The following DLG2 variants were observed in gnomAD, a reference collection of about 807,000 sequenced individuals.
The protein encoded by DLG2 is disks large homolog 2.
In DLG2, 45 loss-of-function variants were observed where a neutral mutation model predicts 132.5. That is an observed-to-expected ratio of 0.34 (90% CI 0.27 to 0.44). The LOEUF (loss-of-function observed/expected upper bound fraction) is 0.44. Among genes scored for constraint, DLG2 ranks in the 20% least tolerant of loss-of-function variants. The pLI is 1.00. For missense variants in DLG2, 1,045 were observed against 1,196.9 expected, an observed-to-expected ratio of 0.87 and a Z score of 1.87; for synonymous variants, 424 against 419.6, an observed-to-expected ratio of 1.01 and a Z score of -0.13.
chr11:83,584,724 G>C (rs903606701), intron 19 of DLG2, among the ~76,000 whole-genome samples: 8 of 152,188 alleles, frequency 5.3e-5, no homozygotes, highest in African/African-American at 1.9e-4. Context: ...AATGTGTTCT[G>C]TCCTGGGCCA....
chr11:84,022,416 G>A (rs1400061372), intron 11 of DLG2, among the ~76,000 whole-genome samples: 1 of 152,154 alleles, frequency 6.6e-6, no homozygotes, highest in Non-Finnish European at 1.5e-5. Context: ...CCTGCAAAAT[G>A]TGCTGGGTGA....
intron 6 of DLG2, among the ~76,000 whole-genome samples, chr11:84,625,651 A>C (rs1197807052): frequency 6.6e-6 from 1 of 152,232 alleles, no homozygotes; most frequent in East Asian, 1.9e-4. Context: ...GTTGGCCTGC[A>C]TTACCCTTAT....
chr11:83,579,638 C>T (rs769495249), intron 19 of DLG2, among the ~76,000 whole-genome samples: 5 of 151,574 alleles, frequency 3.3e-5, no homozygotes, highest in Non-Finnish European at 7.4e-5. Context: ...CAATAAAATG[C>T]TTAAAAAAAT....
chr11:84,716,033 G>T (rs1316201983), intron 6 of DLG2, among the ~76,000 whole-genome samples: 3 of 152,046 alleles, frequency 2.0e-5, no homozygotes, highest in Non-Finnish European at 4.4e-5. Context: ...CACCAACAGT[G>T]TACATAGGTT....
At chr11:85,466,877 T>C (rs1012274492) in intron 3 of DLG2, among the ~76,000 whole-genome samples, 3 of 152,220 alleles carry the variant, frequency 2.0e-5, no homozygotes, top group African/African-American at 7.2e-5. Flanking sequence ...GGGGATGGCA[T>C]TGAATCTATT....
At chr11:85,390,821 G>T (rs904961151) in intron 3 of DLG2, among the ~76,000 whole-genome samples, 2 of 151,918 alleles carry the variant, frequency 1.3e-5, no homozygotes, top group Non-Finnish European at 2.9e-5. Flanking sequence ...AGCATTAAAT[G>T]CCTATATCAA....
chr11:85,548,627 G>A (rs2076475320), intron 3 of DLG2, among the ~76,000 whole-genome samples: 1 of 152,182 alleles, frequency 6.6e-6, no homozygotes, highest in Non-Finnish European at 1.5e-5. Flanking sequence ...CCAGGGAGGT[G>A]GGGGTTTTAT....
intron 3 of DLG2, among the ~76,000 whole-genome samples, chr11:85,455,189 C>T (rs1028472622): frequency 2.0e-5 from 3 of 152,056 alleles, no homozygotes; most frequent in African/African-American, 7.2e-5. Context: ...TATGTCATCT[C>T]TGATTTCTTG....
At chr11:84,955,891 A>G (rs1481319448) in intron 6 of DLG2, among the ~76,000 whole-genome samples, 4 of 152,216 alleles carry the variant, frequency 2.6e-5, no homozygotes, top group Admixed American at 6.5e-5. Flanking sequence ...AATTGGTAAA[A>G]GACATATTAT....
intron 6 of DLG2, among the ~76,000 whole-genome samples, chr11:84,825,242 T>A (rs1332229209): frequency 6.6e-6 from 1 of 151,798 alleles, no homozygotes; most frequent in African/African-American, 2.4e-5. Context: ...CATGCTGAAG[T>A]CTTGTGATCA....
intron 3 of DLG2, among the ~76,000 whole-genome samples, chr11:85,581,756 G>A (rs1012273323): frequency 1.2e-4 from 18 of 152,318 alleles, no homozygotes; most frequent in African/African-American, 2.9e-4. Context: ...TTTAATAAAA[G>A]GGAAGGCAGA....
chr11:85,064,668 T>C (rs1361871084), intron 6 of DLG2, among the ~76,000 whole-genome samples: 1 of 151,748 alleles, frequency 6.6e-6, no homozygotes, highest in African/African-American at 2.4e-5. Flanking sequence ...TCAAACACTA[T>C]TTGAGATGTT....
intron 6 of DLG2, among the ~76,000 whole-genome samples, chr11:85,072,259 A>T (rs1177551240): frequency 6.6e-6 from 1 of 151,852 alleles, no homozygotes; most frequent in African/African-American, 2.4e-5. Flanking sequence ...TGGCTGAACC[A>T]GGGTATACAG....
chr11:83,864,485 C>G (rs562788781), intron 16 of DLG2, among the ~76,000 whole-genome samples: 30 of 152,300 alleles, frequency 2.0e-4, no homozygotes, highest in African/African-American at 7.0e-4. Flanking sequence ...TGCTTGTCCC[C>G]TGCAAAATCC....
intron 4 of DLG2, among the ~76,000 whole-genome samples, chr11:85,283,887 A>G (rs77691059): frequency 1.4e-5 from 2 of 142,290 alleles, no homozygotes; most frequent in African/African-American, 2.6e-5. Context: ...AAACAGTTAG[A>G]AAAAAAAAAA....
chr11:84,720,939 A>C (rs892757280), intron 6 of DLG2: 3 of 141,604 alleles, frequency 2.1e-5, no homozygotes, highest in Admixed American at 2.1e-4. Flanking sequence ...CTGGCCGGGC[A>C]AGTGGGGTGG....
At chr11:84,749,794 C>T (rs1035454458) in intron 6 of DLG2, among the ~76,000 whole-genome samples, 1 of 152,114 alleles carries the variant, frequency 6.6e-6, no homozygotes, top group Non-Finnish European at 1.5e-5. Flanking sequence ...TAATCTCAGG[C>T]CCTTTGGATT....
intron 6 of DLG2, chr11:84,923,421 T>TAAAA: frequency 3.9e-6 from 3 of 778,442 alleles, no homozygotes; most frequent in Non-Finnish European, 4.5e-6. Context: ...ATCACTGGAT[T>TAAAA]AAAAAAAAAA....
chr11:84,377,938 C>G (rs1567464071), intron 7 of DLG2, among the ~76,000 whole-genome samples: 1 of 152,148 alleles, frequency 6.6e-6, no homozygotes. Flanking sequence ...GAGACTTAGC[C>G]TAGGGCTCAC....
Sources: gnomAD v4.1 joint callset for allele counts (sites outside exome capture counted in the v4.1 genomes callset) on GRCh38, gnomAD v4.1.1 for gene constraint, MANE v1.5 for transcripts, NCBI Gene and HGNC (gene_info 2026-07-23, HGNC 2026-07-21) for gene names.